Variants in ADGRL3 observed in about 807,000 individuals in gnomAD.
The protein encoded by ADGRL3 is calcium-independent alpha-latrotoxin receptor 3.
In ADGRL3, 62 loss-of-function variants were observed where a neutral mutation model predicts 153.5. The ratio of observed to expected loss-of-function variants is 0.40; its 90% CI spans 0.33 to 0.50. ADGRL3 has a LOEUF of 0.50. ADGRL3 is among the 20% of genes least tolerant of loss of function. The probability of loss-of-function intolerance (pLI) is 0.47; values close to 1 mark genes in which losing one functional copy is unlikely to be tolerated. For missense variants in ADGRL3, 1,641 were observed against 1,859.4 expected (o/e 0.88, Z 2.16); for synonymous variants, 710 against 672.5 (o/e 1.06, Z -0.86).
At chr4:61,309,379 G>A (rs558606919) in intron 1 of ADGRL3, among the ~76,000 whole-genome samples, 5 of 152,146 alleles carry the variant, frequency 3.3e-5, no homozygotes, top group African/African-American at 1.2e-4. Flanking sequence ...TTAAAATGCA[G>A]CTTAGTAACC....
chr4:62,031,262 C>T (rs543542140), intron 22 of ADGRL3, among the ~76,000 whole-genome samples, 180 bp from the exon 23 acceptor site: 8 of 151,606 alleles, frequency 5.3e-5, no homozygotes, highest in African/African-American at 1.9e-4. Flanking sequence ...GTATATATCT[C>T]CTCAAGCTTG....
At chr4:61,470,935 G>A (rs1269300428) in intron 2 of ADGRL3, among the ~76,000 whole-genome samples, 1 of 151,792 alleles carries the variant, frequency 6.6e-6, no homozygotes, top group African/African-American at 2.4e-5. Context: ...AAGTTGCAAA[G>A]AATATATTTT....
At chr4:61,795,666 G>A (rs553019516) in intron 8 of ADGRL3, among the ~76,000 whole-genome samples, 1 of 152,176 alleles carries the variant, frequency 6.6e-6, no homozygotes, top group South Asian at 2.1e-4. Flanking sequence ...TGTTCATGGG[G>A]GCTTTCACTA....
At chr4:61,259,340 G>A (rs894898825) in intron 1 of ADGRL3, among the ~76,000 whole-genome samples, 2 of 151,810 alleles carry the variant, frequency 1.3e-5, no homozygotes, top group African/African-American at 4.8e-5. Context: ...GGAGAATGGC[G>A]TGAACCCGGG....
chr4:61,556,958 T>C (rs1158363283), intron 4 of ADGRL3, among the ~76,000 whole-genome samples: 1 of 152,146 alleles, frequency 6.6e-6, no homozygotes, highest in Non-Finnish European at 1.5e-5. Flanking sequence ...TTTTAGACTC[T>C]CTTCAGCACA....
chr4:61,917,301 G>C (rs1191562474), intron 13 of ADGRL3, among the ~76,000 whole-genome samples: 1 of 152,078 alleles, frequency 6.6e-6, no homozygotes, highest in Admixed American at 6.6e-5. Flanking sequence ...TTGATTTTTT[G>C]CACTGTATTT....
intron 25 of ADGRL3, among the ~76,000 whole-genome samples, chr4:62,051,224 A>T (rs1487195097): frequency 6.7e-6 from 1 of 149,602 alleles, no homozygotes; most frequent in Non-Finnish European, 1.5e-5. Context: ...TGTACATGTT[A>T]TTGATAGAAA....
At chr4:61,744,090 C>G (rs1319901001) in intron 8 of ADGRL3, among the ~76,000 whole-genome samples, 1 of 152,164 alleles carries the variant, frequency 6.6e-6, no homozygotes, top group Non-Finnish European at 1.5e-5. Flanking sequence ...GGTCCTAGGC[C>G]CATGGAGTCT....
intron 2 of ADGRL3, among the ~76,000 whole-genome samples, chr4:61,424,918 G>A (rs1176504299): frequency 3.3e-5 from 5 of 152,140 alleles, no homozygotes; most frequent in Admixed American, 1.3e-4. Flanking sequence ...CCAGTTGTGT[G>A]GGCATCTAGG....
chr4:61,788,431 A>G (rs2097302544), intron 8 of ADGRL3, among the ~76,000 whole-genome samples: 2 of 152,104 alleles, frequency 1.3e-5, no homozygotes, highest in South Asian at 2.1e-4. Context: ...CCAGAAGAGC[A>G]ATAACAATCA....
chr4:61,343,194 G>A (rs2095840619), intron 1 of ADGRL3, among the ~76,000 whole-genome samples: 1 of 152,156 alleles, frequency 6.6e-6, no homozygotes, highest in Non-Finnish European at 1.5e-5. Context: ...TGGGGACACA[G>A]CCAAACCATA....
In ADGRL3 at chr4:61,743,905, G is replaced by A. The variant is rs913064442; in HGVS notation, c.1399+10351G>A. Reference sequence around the variant, plus strand: ...CACCGTGTGCGAGCCGAAGCAGGGCGACGCATTGCCTCACTCGGGAAGTGC... The same window carrying A: ...CACCGTGTGCGAGCCGAAGCAGGGCAACGCATTGCCTCACTCGGGAAGTGC... On this transcript the variant is annotated intron_variant, in intron 8 of 26. Coordinates refer to ENST00000683033, the MANE Select transcript of ADGRL3 (RefSeq NM_001387552.1). Among the ~76,000 whole-genome samples, 27 of 152,202 alleles carry A rather than the reference G, an allele frequency of 1.8e-4. 1 individual carries two copies. The highest frequency in any genetic ancestry group is 5.3e-4 in the African/African-American group (22 of 41,468).
chr4:61,786,856 ACT>A (rs1254628666), intron 8 of ADGRL3, among the ~76,000 whole-genome samples: 2 of 152,036 alleles, frequency 1.3e-5, no homozygotes, highest in South Asian at 4.1e-4. Flanking sequence ...TATATTGACA[ACT>A]CTCATTTTAT....
At chr4:61,456,982 T>C (rs1328277112) in intron 2 of ADGRL3, among the ~76,000 whole-genome samples, 2 of 152,026 alleles carry the variant, frequency 1.3e-5, no homozygotes, top group Admixed American at 6.6e-5. Context: ...TTTTAAAAAA[T>C]GTATACTTAT....
At chr4:61,894,367 A>G (rs10866126) in intron 10 of ADGRL3, among the ~76,000 whole-genome samples, 74,912 of 151,880 alleles carry the variant, frequency 0.49, 18,674 homozygotes, top group East Asian at 0.55. Flanking sequence ...TATAAAAAAT[A>G]CACTTTTTTC....
At chr4:61,567,380 A>C (rs2098820550) in intron 4 of ADGRL3, among the ~76,000 whole-genome samples, 1 of 152,194 alleles carries the variant, frequency 6.6e-6, no homozygotes. Flanking sequence ...CCAATATGAT[A>C]TCAGGAGGTG....
At chr4:61,755,189 G>C (rs1186202711) in intron 8 of ADGRL3, among the ~76,000 whole-genome samples, 2 of 152,074 alleles carry the variant, frequency 1.3e-5, no homozygotes, top group African/African-American at 4.8e-5. Flanking sequence ...CTGAGGAATC[G>C]CCACACTGAC....
intron 1 of ADGRL3, among the ~76,000 whole-genome samples, chr4:61,358,596 C>CAAAAAAAAAAA (rs71211377): frequency 2.1e-5 from 2 of 96,858 alleles, no homozygotes; most frequent in Admixed American, 1.3e-4. Context: ...GACTCCGTCT[C>CAAAAAAAAAAA]AAAAAAAAAA....
At chr4:61,736,289 C>T in intron 8 of ADGRL3, among the ~76,000 whole-genome samples, 2 of 152,110 alleles carry the variant, frequency 1.3e-5, no homozygotes, top group South Asian at 4.1e-4. Context: ...AATGTATTTG[C>T]TTGTCTGTTT....
Sources: allele counts gnomAD v4.1 joint callset (sites outside exome capture counted in the v4.1 genomes callset), GRCh38; gene constraint gnomAD v4.1.1; transcripts MANE v1.5; gene names NCBI Gene and HGNC (gene_info 2026-07-23, HGNC 2026-07-21).